Variants in PLEKHM3 observed in about 807,000 individuals in gnomAD.
The protein encoded by PLEKHM3 is pleckstrin homology domain-containing family M member 3.
A neutral mutation model predicts 81.8 loss-of-function variants in PLEKHM3; 45 were observed. The observed-to-expected ratio is 0.55, with a 90% CI of 0.43 to 0.71. The LOEUF (loss-of-function observed/expected upper bound fraction) is 0.71, where lower values mean the gene tolerates loss of function less well. Ranked by LOEUF, PLEKHM3 falls within the 30% of genes least tolerant of loss-of-function variation. PLEKHM3 has a pLI of 0.00. For missense variants in PLEKHM3, 788 were observed against 924.3 expected (o/e 0.85, Z 1.91); for synonymous variants, 352 against 356.4 (o/e 0.99, Z 0.14).
intron 3 of PLEKHM3, among the ~76,000 whole-genome samples, chr2:207,962,924 TA>T (rs11388264): frequency 2.2e-3 from 304 of 135,752 alleles, no homozygotes; most frequent in African/African-American, 3.1e-3. Flanking sequence ...AGTCAAAAAT[TA>T]AAAAAAAAAA....
chr2:207,994,875 G>A lies in PLEKHM3; in HGVS notation c.610+6155C>T, dbSNP rs192118800. Among the ~76,000 whole-genome samples, 6 of 152,158 alleles carry A rather than the reference G, an allele frequency of 3.9e-5. No homozygotes were observed. The East Asian group carries it at 7.7e-4, about 20-fold the overall frequency. ...GCAACCTTCATCCACTAGCACAGCCGACATTCCTTCTTAAGAAGACAGAGC... is the reference window on the plus strand; with the variant it reads ...GCAACCTTCATCCACTAGCACAGCCAACATTCCTTCTTAAGAAGACAGAGC... On this transcript the variant is annotated intron_variant, in intron 2 of 7. Transcript: ENST00000427836.
Position 207,865,801 on chromosome 2 carries a change from A to AAAAAAAAAAAAAAAAAATATAT in PLEKHM3, c.1951-4540_1951-4539insATATATTTTTTTTTTTTTTTTT. On this transcript the variant is annotated intron_variant, in intron 6 of 7. Coordinates refer to ENST00000427836, the MANE Select transcript of PLEKHM3 (RefSeq NM_001080475.3). ...CGACTCAAAAAAAAAAAAAAAAAAA[A>AAAAAAAAAAAAAAAAAATATAT]AGATATATATATATATATATATATA... 7.9e-5 allele frequency among the ~76,000 whole-genome samples: 2 copies of AAAAAAAAAAAAAAAAAATATAT among 25,290 alleles called. 1 individual carries two copies. The highest frequency in any genetic ancestry group is 1.5e-4 in the Non-Finnish European group (2 of 13,198). 16.6% of individuals were successfully genotyped at this position (25,290 alleles called of 152,430 possible). A position where few individuals can be genotyped will look rare whatever the true frequency, so the allele number is the denominator to read the frequency against.
intron 5 of PLEKHM3, chr2:207,929,762 A>T (rs1385273036): frequency 2.0e-6 from 1 of 497,410 alleles, no homozygotes; most frequent in African/African-American, 2.0e-5. Context: ...TTGTCTAGAT[A>T]TTATATATCC....
chr2:207,979,478 G>A (rs931315503), intron 2 of PLEKHM3, among the ~76,000 whole-genome samples: 1 of 151,534 alleles, frequency 6.6e-6, no homozygotes, highest in African/African-American at 2.4e-5. Context: ...AAGTTGCAGT[G>A]AGCTGAGATC....
intron 7 of PLEKHM3, among the ~76,000 whole-genome samples, chr2:207,850,015 G>A (rs1017108749): frequency 5.9e-5 from 9 of 152,108 alleles, no homozygotes; most frequent in Non-Finnish European, 1.2e-4. Context: ...GTGATGCCTC[G>A]AGCTGCGTCA....
intron 2 of PLEKHM3, among the ~76,000 whole-genome samples, chr2:207,983,656 T>C (rs1477168283): frequency 6.6e-6 from 1 of 152,184 alleles, no homozygotes; most frequent in African/African-American, 2.4e-5. Flanking sequence ...GACTTGGTTC[T>C]GTTCCTCCTC....
chr2:207,872,811 A>C (rs2092541733), intron 6 of PLEKHM3, among the ~76,000 whole-genome samples: 1 of 152,144 alleles, frequency 6.6e-6, no homozygotes, highest in Non-Finnish European at 1.5e-5. Context: ...TGGGCAACAG[A>C]GTGAGACTCC....
At chr2:207,882,914 A>G (rs770755277) in intron 6 of PLEKHM3, among the ~76,000 whole-genome samples, 3 of 151,820 alleles carry the variant, frequency 2.0e-5, no homozygotes, top group Non-Finnish European at 4.4e-5. Context: ...ATGCCCAGCT[A>G]ATTTTTGTAT....
chr2:207,979,927 A>C (rs1691464923), intron 2 of PLEKHM3, among the ~76,000 whole-genome samples: 1 of 152,190 alleles, frequency 6.6e-6, no homozygotes, highest in Non-Finnish European at 1.5e-5. Flanking sequence ...AACCCACACT[A>C]ATCCCTTTGT....
chr2:207,961,551 T>C (rs552857043), intron 3 of PLEKHM3, among the ~76,000 whole-genome samples: 1 of 152,306 alleles, frequency 6.6e-6, no homozygotes, highest in African/African-American at 2.4e-5. Context: ...AGGTAATAAA[T>C]AAAATCAATT....
At chr2:207,830,205 A>G (rs1001822830) in intron 7 of PLEKHM3, among the ~76,000 whole-genome samples, 5 of 152,118 alleles carry the variant, frequency 3.3e-5, no homozygotes, top group South Asian at 2.1e-4. Context: ...CTTCACATCA[A>G]TTCCTGGCTG....
intron 6 of PLEKHM3, among the ~76,000 whole-genome samples, chr2:207,899,669 G>A (rs1410368909): frequency 1.3e-5 from 2 of 152,152 alleles, no homozygotes; most frequent in African/African-American, 4.8e-5. Context: ...CATTTCTGAG[G>A]GAAGTGAAGC....
intron 3 of PLEKHM3, among the ~76,000 whole-genome samples, chr2:207,962,189 G>A (rs868382410): frequency 6.6e-6 from 1 of 152,284 alleles, no homozygotes; most frequent in East Asian, 1.9e-4. Context: ...AGAGGGTTGG[G>A]ACTTTGAGCC....
At chr2:207,894,642 T>G (rs940426859) in intron 6 of PLEKHM3, among the ~76,000 whole-genome samples, 1 of 152,126 alleles carries the variant, frequency 6.6e-6, no homozygotes. Context: ...AGAATGTGAG[T>G]GCTGGGAGAA....
At chr2:208,013,319 C>A (rs1047798764) in intron 1 of PLEKHM3, among the ~76,000 whole-genome samples, 2 of 152,100 alleles carry the variant, frequency 1.3e-5, no homozygotes, top group African/African-American at 4.8e-5. Flanking sequence ...AGTTTGAGAT[C>A]AGCCTGGCCA....
chr2:208,014,822 C>T (rs1692830772), intron 1 of PLEKHM3, among the ~76,000 whole-genome samples: 1 of 152,142 alleles, frequency 6.6e-6, no homozygotes, highest in Non-Finnish European at 1.5e-5. Context: ...ATCCATACTT[C>T]TCGGATTGTT....
chr2:207,899,664 C>G (rs1374699488), intron 6 of PLEKHM3, among the ~76,000 whole-genome samples: 1 of 152,144 alleles, frequency 6.6e-6, no homozygotes, highest in African/African-American at 2.4e-5. Flanking sequence ...TCTTTCATTT[C>G]TGAGGGAAGT....
intron 5 of PLEKHM3, among the ~76,000 whole-genome samples, chr2:207,921,137 C>T (rs986825828): frequency 1.3e-5 from 2 of 152,176 alleles, no homozygotes; most frequent in African/African-American, 4.8e-5. Flanking sequence ...CAAGTTCCGC[C>T]TCCTGGGTTC....
intron 7 of PLEKHM3, among the ~76,000 whole-genome samples, chr2:207,853,382 ACTCCAG>A (rs2092422761): frequency 6.7e-6 from 1 of 149,946 alleles, no homozygotes; most frequent in Non-Finnish European, 1.5e-5. Flanking sequence ...ACGCCATTGC[ACTCCAG>A]CCTGGGCAAC....
Sources: allele counts gnomAD v4.1 joint callset (sites outside exome capture counted in the v4.1 genomes callset), GRCh38; gene constraint gnomAD v4.1.1; transcripts MANE v1.5; gene names NCBI Gene and HGNC (gene_info 2026-07-23, HGNC 2026-07-21).